The following ITPK1 variants were observed in gnomAD, a reference collection of about 807,000 sequenced individuals.
ITPK1 encodes inositol-tetrakisphosphate 1-kinase.
In ITPK1, 21 loss-of-function variants were observed where a neutral mutation model predicts 45.3. The ratio of observed to expected loss-of-function variants is 0.46; its 90% CI spans 0.33 to 0.67. The LOEUF (loss-of-function observed/expected upper bound fraction) is 0.67, where lower values mean the gene tolerates loss of function less well. ITPK1 is among the 30% of genes least tolerant of loss of function. ITPK1 has a pLI of 0.02. For synonymous variants in ITPK1, 258 were observed against 253.6 expected (o/e 1.02, Z -0.16); for missense variants, 474 against 573.5 (o/e 0.83, Z 1.77).
chr14:93,114,093 C>T (rs192598299), intron 2 of ITPK1, among the ~76,000 whole-genome samples: 12 of 152,374 alleles, frequency 7.9e-5, no homozygotes, highest in African/African-American at 2.9e-4. Flanking sequence ...AAAAATCAGT[C>T]TAACAAGCTG....
In ITPK1 at chr14:92,968,369, G is replaced by A. The variant is rs116544426; in HGVS notation, c.365-5520C>T. 9.2e-3 allele frequency among the ~76,000 whole-genome samples: 1,406 copies of A among 152,170 alleles called. 20 individuals carry two copies. The highest frequency in any genetic ancestry group is 0.032 in the African/African-American group (1,348 of 41,512). On this transcript the variant is annotated intron_variant, in intron 5 of 10. Coordinates refer to ENST00000267615, the MANE Select transcript of ITPK1 (RefSeq NM_014216.6). The stretch of plus-strand genomic sequence containing the variant: ...AAGGTAAATGTATGATACATAAATT[G>A]TATCAATACATTAAGGGGAAAAAAA...
At chr14:93,040,627 G>A (rs1185701540) in intron 3 of ITPK1, among the ~76,000 whole-genome samples, 1 of 152,166 alleles carries the variant, frequency 6.6e-6, no homozygotes, top group African/African-American at 2.4e-5. Context: ...CTCTTCCTCA[G>A]GACCTGGTGA....
chr14:93,102,316 T>C (rs1438401405), intron 2 of ITPK1, among the ~76,000 whole-genome samples: 1 of 152,242 alleles, frequency 6.6e-6, no homozygotes, highest in Non-Finnish European at 1.5e-5. Flanking sequence ...AAAGGGTGCT[T>C]GGGAGCTGAC....
chr14:93,054,765 A>G (rs1890153035), intron 3 of ITPK1, among the ~76,000 whole-genome samples: 1 of 152,216 alleles, frequency 6.6e-6, no homozygotes, highest in African/African-American at 2.4e-5. Flanking sequence ...ATCTAAGGGC[A>G]TATATTACAG....
rs552001570 is a variant in ITPK1, at chr14:92,963,821, G to T, written c.365-972C>A. On this transcript the variant is annotated intron_variant, in intron 5 of 10. Coordinates refer to ENST00000267615, the MANE Select transcript of ITPK1 (RefSeq NM_014216.6). ...TACTGGTTTGTTATTATTGTTTCTT[G>T]TCATTGTCCCCCTTCCCTGATAAGA... Among the ~76,000 whole-genome samples the T allele has an allele frequency of 1.2e-4, 19 of 152,278 alleles. 1 individual carries two copies. The South Asian group carries it at 3.7e-3, about 30-fold the overall frequency.
chr14:92,988,799 C>T (rs182582229), intron 5 of ITPK1, among the ~76,000 whole-genome samples: 34 of 152,286 alleles, frequency 2.2e-4, no homozygotes, highest in Admixed American at 3.9e-4. Flanking sequence ...ACCTCTAAAT[C>T]GGAGATGAAA....
At chr14:93,086,526 A>G (rs1891656348) in intron 2 of ITPK1, among the ~76,000 whole-genome samples, 1 of 152,190 alleles carries the variant, frequency 6.6e-6, no homozygotes, top group South Asian at 2.1e-4. Flanking sequence ...CTGGCCTGGG[A>G]CCAGAGGGGG....
At chr14:92,965,876 G>C (rs1220363623) in intron 5 of ITPK1, among the ~76,000 whole-genome samples, 1 of 152,110 alleles carries the variant, frequency 6.6e-6, no homozygotes, top group African/African-American at 2.4e-5. Context: ...GGTGGTGCAC[G>C]CCTGTAATCC....
intron 3 of ITPK1, among the ~76,000 whole-genome samples, chr14:93,042,804 G>A (rs1889613129): frequency 6.6e-6 from 1 of 152,160 alleles, no homozygotes; most frequent in African/African-American, 2.4e-5. Flanking sequence ...GATCACTTGA[G>A]GTCAGGAGTT....
At chr14:93,101,323 C>T (rs1389980947) in intron 2 of ITPK1, among the ~76,000 whole-genome samples, 2 of 152,212 alleles carry the variant, frequency 1.3e-5, no homozygotes, top group East Asian at 3.9e-4. Flanking sequence ...CCTCTAAGAT[C>T]GTGAATCTCT....
At chr14:93,114,128 G>A (rs1022965969) in intron 2 of ITPK1, among the ~76,000 whole-genome samples, 1 of 152,276 alleles carries the variant, frequency 6.6e-6, no homozygotes, top group Non-Finnish European at 1.5e-5. Context: ...TCCACCTGGA[G>A]TTTGCAAAAG....
At chr14:92,962,247 C>G in intron 7 of ITPK1, 108 bp downstream of exon 7, 1 of 845,152 alleles carries the variant, frequency 1.2e-6, no homozygotes. Flanking sequence ...CCAGGACTAA[C>G]AGCAGGGCAG....
intron 2 of ITPK1, among the ~76,000 whole-genome samples, chr14:93,105,522 CTTTTTT>C (rs11285368): frequency 1.0e-5 from 1 of 100,156 alleles, no homozygotes; most frequent in Non-Finnish European, 2.1e-5. Context: ...GCCCCTGGAG[CTTTTTT>C]TTTTTTTTTT....
At chr14:92,980,428 C>T (rs1268864455) in intron 5 of ITPK1, among the ~76,000 whole-genome samples, 1 of 152,202 alleles carries the variant, frequency 6.6e-6, no homozygotes, top group Non-Finnish European at 1.5e-5. Context: ...TGGAGGGGGC[C>T]TGTACCACCC....
At chr14:92,974,615 G>A (rs1359275390) in intron 5 of ITPK1, among the ~76,000 whole-genome samples, 2 of 152,250 alleles carry the variant, frequency 1.3e-5, no homozygotes, top group Non-Finnish European at 2.9e-5. Flanking sequence ...GAGCTCCCCA[G>A]GAGCTAGCAT....
Position 92,958,248 on chromosome 14 carries a change from G to T in ITPK1, c.623C>A (p.Thr208Asn). 6.2e-7 allele frequency: 1 copy of T among 1,614,206 alleles called. No homozygotes were observed. Among genetic ancestry groups the T allele is most frequent in the Non-Finnish European group, 8.5e-7 (1 of 1,180,028 alleles). ...CTTGAGTGAGGGCCTCTGGACCACG[G>T]TGTAGGACTCGCCAACCACGAACAC... ...YKVFVVGESY[T>N]VVQRPSLKNF... is the part of the protein sequence containing the mutation. Residue 208 changes from threonine to asparagine, a missense_variant, in exon 8 of 11, where the codon ACC becomes AAC. Transcript: ENST00000267615. This position sits in a 1 kb window ranked among gnomAD's most constrained non-coding sequence, Gnocchi z 4.4.
intron 5 of ITPK1, among the ~76,000 whole-genome samples, chr14:92,964,191 C>T (rs939356022): frequency 6.6e-6 from 1 of 152,200 alleles, no homozygotes; most frequent in East Asian, 1.9e-4. Flanking sequence ...TGCAGTTTCT[C>T]TGGGGCACTG....
At chr14:93,110,182 C>A (rs752995302) in intron 2 of ITPK1, among the ~76,000 whole-genome samples, 11 of 152,078 alleles carry the variant, frequency 7.2e-5, no homozygotes, top group Non-Finnish European at 1.2e-4. Flanking sequence ...CATGTGCACA[C>A]GGACGCTTCC....
intron 5 of ITPK1, 128 bp from the exon 6 acceptor site, chr14:92,962,977 C>T: frequency 1.7e-6 from 1 of 597,132 alleles, no homozygotes. Flanking sequence ...CCGTCCCCAA[C>T]CTCTGCAGTC....
Sources: gnomAD v4.1 joint callset for allele counts (sites outside exome capture counted in the v4.1 genomes callset) on GRCh38, gnomAD v4.1.1 for gene constraint, Gnocchi (gnomAD v3.1) non-coding constraint, MANE v1.5 for transcripts, NCBI Gene and HGNC (gene_info 2026-07-23, HGNC 2026-07-21) for gene names.